UNC5D: variants seen among roughly 807,000 people sequenced by gnomAD.
The protein encoded by UNC5D is netrin receptor UNC5D.
A neutral mutation model predicts 105.4 loss-of-function variants in UNC5D; 39 were observed. The ratio of observed to expected loss-of-function variants is 0.37; its 90% CI spans 0.29 to 0.48. The LOEUF is 0.48. Among genes scored for constraint, UNC5D ranks in the 20% least tolerant of loss-of-function variants. The pLI is 0.98. For missense variants in UNC5D, 991 were observed against 1,202.4 expected (o/e 0.82, Z 2.60); for synonymous variants, 452 against 450.4 (o/e 1.00, Z -0.04).
intron 4 of UNC5D, among the ~76,000 whole-genome samples, chr8:35,664,023 A>G (rs1038578690): frequency 9.9e-5 from 15 of 152,242 alleles, no homozygotes; most frequent in Non-Finnish European, 1.8e-4. Context: ...TCTTGCATCC[A>G]GAAAATCATT....
intron 4 of UNC5D, among the ~76,000 whole-genome samples, chr8:35,629,582 G>A (rs912697744): frequency 2.0e-5 from 3 of 152,072 alleles, no homozygotes; most frequent in African/African-American, 4.8e-5. Flanking sequence ...AAAAATAATC[G>A]ATTCGGTGCA....
chr8:35,482,552 T>C (rs770650459), intron 1 of UNC5D, among the ~76,000 whole-genome samples: 3 of 152,136 alleles, frequency 2.0e-5, no homozygotes, highest in African/African-American at 7.2e-5. Context: ...AATCCTCTTA[T>C]ATGGATCTGT....
At chr8:35,600,162 A>T (rs1209300952) in intron 4 of UNC5D, among the ~76,000 whole-genome samples, 1 of 152,182 alleles carries the variant, frequency 6.6e-6, no homozygotes, top group Non-Finnish European at 1.5e-5. Context: ...ATAGTATTCC[A>T]TGGTGTATAT....
At chr8:35,654,587 T>G (rs907117490) in intron 4 of UNC5D, among the ~76,000 whole-genome samples, 2 of 152,218 alleles carry the variant, frequency 1.3e-5, no homozygotes, top group Non-Finnish European at 2.9e-5. Context: ...ATTGTTTACT[T>G]TATCACCAGC....
At chr8:35,293,426 G>A (rs541471939) in intron 1 of UNC5D, among the ~76,000 whole-genome samples, 2 of 152,226 alleles carry the variant, frequency 1.3e-5, no homozygotes, top group East Asian at 3.9e-4. Context: ...CTTGTCTAAT[G>A]TCAATTTGTT....
chr8:35,716,487 T>C (rs867304172), intron 8 of UNC5D, among the ~76,000 whole-genome samples: 10 of 152,226 alleles, frequency 6.6e-5, no homozygotes, highest in African/African-American at 1.9e-4. Flanking sequence ...TGAGTCCCAG[T>C]TGGACTACTT....
At chr8:35,536,988 T>C (rs903963175) in intron 1 of UNC5D, among the ~76,000 whole-genome samples, 3 of 150,380 alleles carry the variant, frequency 2.0e-5, no homozygotes, top group African/African-American at 7.4e-5. Flanking sequence ...AGAGCGAGAC[T>C]CTATCTCTAA....
In UNC5D at chr8:35,423,909, G is replaced by T. The variant is rs1806077708; in HGVS notation, c.104-125383G>T. On this transcript the variant is annotated intron_variant, in intron 1 of 16. Coordinates refer to ENST00000404895, the MANE Select transcript of UNC5D (RefSeq NM_080872.4). ...ACTCTTCCCTGCAGGCAGAAGTTCA[G>T]TGTTACAGTCATAGTTCACTGCAAC... Among the ~76,000 whole-genome samples, 9 of 146,684 alleles carry T rather than the reference G, an allele frequency of 6.1e-5. 1 individual carries two copies. The South Asian group carries it at 1.7e-3, about 28-fold the overall frequency.
intron 7 of UNC5D, among the ~76,000 whole-genome samples, chr8:35,699,049 C>T (rs1826993269): frequency 6.6e-6 from 1 of 152,136 alleles, no homozygotes; most frequent in East Asian, 1.9e-4. Context: ...AAGAAAGTCT[C>T]ATAGATATTG....
chr8:35,505,808 G>A (rs890613639), intron 1 of UNC5D, among the ~76,000 whole-genome samples: 7 of 152,186 alleles, frequency 4.6e-5, no homozygotes, highest in Non-Finnish European at 7.3e-5. Flanking sequence ...TTTGCACAGT[G>A]GTTGGCTCTG....
chr8:35,344,670 TAC>T (rs1487127098), intron 1 of UNC5D, among the ~76,000 whole-genome samples: 1 of 152,092 alleles, frequency 6.6e-6, no homozygotes, highest in African/African-American at 2.4e-5. Flanking sequence ...CTCCAACTAC[TAC>T]AGTCTCGTAA....
chr8:35,384,996 C>T (rs966849465), intron 1 of UNC5D, among the ~76,000 whole-genome samples: 6 of 152,104 alleles, frequency 3.9e-5, no homozygotes, highest in African/African-American at 1.4e-4. Flanking sequence ...TCCTTCATAC[C>T]GTGTGTTGAA....
chr8:35,365,047 T>G (rs1008235044), intron 1 of UNC5D, among the ~76,000 whole-genome samples: 1 of 152,192 alleles, frequency 6.6e-6, no homozygotes, highest in African/African-American at 2.4e-5. Context: ...TTTGTAGTGG[T>G]ATGTCATCTT....
intron 1 of UNC5D, among the ~76,000 whole-genome samples, chr8:35,265,611 C>T (rs1804806006): frequency 6.6e-6 from 1 of 152,148 alleles, no homozygotes; most frequent in Admixed American, 6.5e-5. Flanking sequence ...TGGCTCAGGC[C>T]TGTAATCCCA....
At chr8:35,573,418 G>T (rs1044582103) in intron 3 of UNC5D, among the ~76,000 whole-genome samples, 1 of 152,024 alleles carries the variant, frequency 6.6e-6, no homozygotes, top group African/African-American at 2.4e-5. Context: ...AATAGCCACT[G>T]CACTCCAGCC....
At chr8:35,749,458 C>T (rs924670659) in intron 12 of UNC5D, among the ~76,000 whole-genome samples, 1 of 152,130 alleles carries the variant, frequency 6.6e-6, no homozygotes, top group Admixed American at 6.5e-5. Flanking sequence ...TCCAGCCAGC[C>T]CTAGGGTCTT....
chr8:35,543,617 A>G (rs1293130409), intron 1 of UNC5D, among the ~76,000 whole-genome samples: 1 of 151,782 alleles, frequency 6.6e-6, no homozygotes, highest in Admixed American at 6.6e-5. Flanking sequence ...TAAATGAAAC[A>G]CAGAAAAATT....
At chr8:35,544,556 A>G in intron 1 of UNC5D, 1 of 1,612,168 alleles carries the variant, frequency 6.2e-7, no homozygotes, top group Non-Finnish European at 8.5e-7. Flanking sequence ...AACAAACAGG[A>G]AAAAGGACAG....
chr8:35,346,250 A>C (rs570136753), intron 1 of UNC5D, among the ~76,000 whole-genome samples: 1 of 152,158 alleles, frequency 6.6e-6, no homozygotes, highest in Admixed American at 6.6e-5. Flanking sequence ...GTGGGAATGC[A>C]TGTCTGATTA....
Sources: gnomAD v4.1 joint callset for allele counts (sites outside exome capture counted in the v4.1 genomes callset) on GRCh38, gnomAD v4.1.1 for gene constraint, MANE v1.5 for transcripts, NCBI Gene and HGNC (gene_info 2026-07-23, HGNC 2026-07-21) for gene names.